The following USH2A variants were observed in gnomAD, a reference collection of about 807,000 sequenced individuals.
USH2A encodes the protein usherin.
Under a neutral mutation model 538.9 loss-of-function variants are expected in USH2A, and 443 were observed. The observed-to-expected ratio is 0.82, with a 90% confidence interval of 0.76 to 0.89. USH2A has a LOEUF of 0.89. Ranked by LOEUF, USH2A falls within the 40% of genes least tolerant of loss-of-function variation. USH2A has a pLI of 0.00. For missense variants in USH2A, 6,633 were observed against 6,324.8 expected (o/e 1.05, Z -1.65); for synonymous variants, 2,413 against 2,273.5 (o/e 1.06, Z -1.75).
intron 30 of USH2A, among the ~76,000 whole-genome samples, chr1:216,066,747 G>A (rs190897436): frequency 2.0e-5 from 3 of 152,226 alleles, no homozygotes; most frequent in African/African-American, 7.2e-5. Flanking sequence ...CAGCTAAAAA[G>A]GGTTAGAGCT....
At chr1:215,894,232 T>A (rs1452872094) in intron 40 of USH2A, among the ~76,000 whole-genome samples, 1 of 152,226 alleles carries the variant, frequency 6.6e-6, no homozygotes, top group Non-Finnish European at 1.5e-5. Flanking sequence ...AATGTACTCA[T>A]ATAAATATGT....
chr1:216,274,349 C>G (rs1571647751), intron 11 of USH2A, among the ~76,000 whole-genome samples: 1 of 152,108 alleles, frequency 6.6e-6, no homozygotes, highest in Non-Finnish European at 1.5e-5. Flanking sequence ...AATATCTAAT[C>G]ATTTGCAACA....
intron 29 of USH2A, among the ~76,000 whole-genome samples, chr1:216,071,430 TGGTACA>T (rs2031554439): frequency 6.6e-6 from 1 of 152,162 alleles, no homozygotes. Context: ...TTCGGAAATG[TGGTACA>T]GGGCAAAGTA....
intron 4 of USH2A, among the ~76,000 whole-genome samples, chr1:216,335,903 A>C (rs2102671336): frequency 6.6e-6 from 1 of 151,730 alleles, no homozygotes; most frequent in South Asian, 2.1e-4. Flanking sequence ...GAAGAGGAAG[A>C]AACACTCTCC....
intron 61 of USH2A, among the ~76,000 whole-genome samples, chr1:215,689,226 G>A (rs926981327): frequency 3.7e-4 from 56 of 152,302 alleles, no homozygotes; most frequent in Non-Finnish European, 3.4e-4. Flanking sequence ...TTTGGGAAGA[G>A]ACTGAATTAG....
At chr1:215,782,297 A>C in intron 53 of USH2A, 101 bp from the exon 54 acceptor site, 1 of 1,261,966 alleles carries the variant, frequency 7.9e-7, no homozygotes, top group Non-Finnish European at 1.1e-6. Context: ...GCAATACTAT[A>C]GCTTTATTTA....
intron 4 of USH2A, among the ~76,000 whole-genome samples, chr1:216,355,245 G>A (rs2038361100): frequency 6.6e-6 from 1 of 151,416 alleles, no homozygotes; most frequent in South Asian, 2.1e-4. Context: ...AGATGTTGCA[G>A]TGAGCCAAGA....
At position 216,175,470 on chromosome 1, in the gene USH2A, A is replaced by G; in HGVS notation, c.4409T>C (p.Leu1470Pro). The change falls in exon 21 of 72, where the codon CTG becomes CCG. Residue 1470 changes from leucine to proline, a missense_variant. Physicochemically the swap from Leu to Pro is moderately conservative, Grantham distance 98 (BLOSUM62 -3). Coordinates refer to ENST00000307340, the MANE Select transcript of USH2A (RefSeq NM_206933.4). ...GATTCCTTTAACCAGAGGTGGCCTC[A>G]GTTGTGCTGGTGCTAAATATTAGAA... ...GQTLAAAPAQ[L>P]RPPLVKGINS... 1 of 1,613,794 alleles carries G rather than the reference A, an allele frequency of 6.2e-7. No individual in the cohort carries two copies. Among genetic ancestry groups the G allele is most frequent in the Non-Finnish European group, 8.5e-7 (1 of 1,179,858 alleles).
chr1:216,282,017 T>C (rs992396858), intron 11 of USH2A, among the ~76,000 whole-genome samples: 2 of 152,086 alleles, frequency 1.3e-5, no homozygotes, highest in East Asian at 1.9e-4. Flanking sequence ...TAGAGAAATA[T>C]CTATTCAGAT....
intron 21 of USH2A, chr1:216,174,346 G>C: frequency 1.0e-6 from 1 of 982,680 alleles, no homozygotes; most frequent in Non-Finnish European, 1.2e-6. Context: ...TGGAAAAATG[G>C]TGTACCATAA....
At chr1:215,626,643 C>G (rs1238306686) in intron 71 of USH2A, among the ~76,000 whole-genome samples, 2 of 152,004 alleles carry the variant, frequency 1.3e-5, no homozygotes. Context: ...ATTATTAGTA[C>G]CGTAAAAAGC....
intron 61 of USH2A, among the ~76,000 whole-genome samples, chr1:215,691,543 A>G (rs1658612828): frequency 6.6e-6 from 1 of 152,066 alleles, no homozygotes; most frequent in African/African-American, 2.4e-5. Flanking sequence ...CTCTTCTTTA[A>G]AACTGCAACT....
In USH2A at chr1:216,196,638, A is replaced by C; in HGVS notation, c.4166T>G (p.Val1389Gly). 1 of 1,613,640 alleles carries C rather than the reference A, an allele frequency of 6.2e-7. No individual in the cohort carries two copies. Among genetic ancestry groups the C allele is most frequent in the Non-Finnish European group, 8.5e-7 (1 of 1,179,722 alleles). ...NISWEKPADN[V>G]TRGKVVGYDI... Reference sequence around the variant, plus strand: ...ATACCCCACAACTTTTCCTCTTGTAACATTATCTGCTGGCTTCTCCCAGGA... The same window carrying C: ...ATACCCCACAACTTTTCCTCTTGTACCATTATCTGCTGGCTTCTCCCAGGA... Residue 1389 changes from valine (V) to glycine (G), a missense_variant, in exon 19 of 72, where the codon GTT (valine) becomes GGT (glycine). Coordinates refer to ENST00000307340, the MANE Select transcript of USH2A (RefSeq NM_206933.4).
At chr1:216,361,378 T>C (rs1294114402) in intron 4 of USH2A, among the ~76,000 whole-genome samples, 2 of 152,108 alleles carry the variant, frequency 1.3e-5, no homozygotes, top group Non-Finnish European at 2.9e-5. Flanking sequence ...ACACAAAAAG[T>C]ATTAAGTATA....
intron 3 of USH2A, among the ~76,000 whole-genome samples, chr1:216,407,974 C>T (rs1222454051): frequency 1.3e-5 from 2 of 151,466 alleles, no homozygotes; most frequent in Non-Finnish European, 2.9e-5. Context: ...CTATTTATAG[C>T]AATTTTCAAT....
chr1:216,023,475 A>AAAAAAAAAAAAAAAAAAAAAAAAAAAAC (rs1668891389), intron 32 of USH2A, among the ~76,000 whole-genome samples: 1 of 149,310 alleles, frequency 6.7e-6, no homozygotes, highest in Admixed American at 6.7e-5. Context: ...AAAAAAAAAA[A>AAAAAAAAAAAAAAAAAAAAAAAAAAAAC]AAAAAAATCA....
intron 11 of USH2A, among the ~76,000 whole-genome samples, chr1:216,279,850 T>C (rs1031528601): frequency 1.3e-5 from 2 of 151,932 alleles, no homozygotes; most frequent in Non-Finnish European, 2.9e-5. Flanking sequence ...TAGGGACTTA[T>C]GTTAGGGACT....
chr1:215,996,033 C>T (rs924848384), intron 34 of USH2A, among the ~76,000 whole-genome samples: 1 of 152,138 alleles, frequency 6.6e-6, no homozygotes, highest in Non-Finnish European at 1.5e-5. Flanking sequence ...ACCTCAGCCT[C>T]CCGAGTAGCT....
chr1:216,145,362 C>T (rs764659053), intron 21 of USH2A, among the ~76,000 whole-genome samples: 4 of 152,132 alleles, frequency 2.6e-5, no homozygotes, highest in Non-Finnish European at 4.4e-5. Context: ...AGGGGCAATG[C>T]GGTAAGAAGG....
Sources: gnomAD v4.1 joint callset for allele counts (sites outside exome capture counted in the v4.1 genomes callset) on GRCh38, gnomAD v4.1.1 for gene constraint, MANE v1.5 for transcripts, NCBI Gene and HGNC (gene_info 2026-07-23, HGNC 2026-07-21) for gene names.